Variants in ZC3H12B observed in about 807,000 individuals in gnomAD.
The protein encoded by ZC3H12B is zinc finger CCCH-type containing 12B.
In ZC3H12B, 7 loss-of-function variants were observed where a neutral mutation model predicts 43.9. That is an observed-to-expected ratio of 0.16 (90% CI 0.09 to 0.30). ZC3H12B has a LOEUF of 0.30. ZC3H12B is among the 10% of genes least tolerant of loss of function. ZC3H12B has a pLI of 1.00. For missense variants in ZC3H12B, 475 were observed against 670.2 expected (o/e 0.71, Z 3.22); for synonymous variants, 222 against 241.7 (o/e 0.92, Z 0.76).
chrX:65,221,662 A>C, the ZC3H12B span, among the ~76,000 whole-genome samples: 1 of 110,819 alleles, frequency 9.0e-6, no homozygotes, highest in Non-Finnish European at 1.9e-5. Flanking sequence ...AACTCTGAAC[A>C]GATCAATAAC....
chrX:65,159,139 T>G, the ZC3H12B span, among the ~76,000 whole-genome samples: 1 of 112,159 alleles, frequency 8.9e-6, no homozygotes, highest in South Asian at 3.7e-4. Flanking sequence ...TATGTCTCTG[T>G]TTTGGTACCA....
chrX:65,209,668 G>A, the ZC3H12B span, among the ~76,000 whole-genome samples: 2 of 110,239 alleles, frequency 1.8e-5, no homozygotes, highest in Non-Finnish European at 3.8e-5. Context: ...GATTTGGGGT[G>A]GAGAGTTCGC....
At chrX:65,386,821 G>A (rs2066533846) in intron 2 of ZC3H12B, among the ~76,000 whole-genome samples, 2 of 111,143 alleles carry the variant, frequency 1.8e-5, no homozygotes, top group African/African-American at 6.6e-5. Flanking sequence ...CTTTGAATGT[G>A]TCCCAGAGAT....
At chrX:65,440,110 G>C (rs1271344270) in intron 3 of ZC3H12B, among the ~76,000 whole-genome samples, 1 of 111,492 alleles carries the variant, frequency 9.0e-6, no homozygotes, top group East Asian at 2.8e-4. Context: ...CTCCTTTTTT[G>C]TTTTTGTCAT....
At chrX:65,062,033 G>T in the ZC3H12B span, among the ~76,000 whole-genome samples, 2 of 111,918 alleles carry the variant, frequency 1.8e-5, no homozygotes, top group Non-Finnish European at 3.8e-5. Context: ...TTGTAAATTT[G>T]TTTAAGTTCC....
intron 3 of ZC3H12B, among the ~76,000 whole-genome samples, chrX:65,453,512 G>A (rs1270775766): frequency 1.9e-5 from 2 of 104,223 alleles, no homozygotes; most frequent in African/African-American, 3.5e-5. Context: ...CCTGAGATCA[G>A]GAGTTCAAGA....
the ZC3H12B span, among the ~76,000 whole-genome samples, chrX:65,260,757 A>G: frequency 4.5e-5 from 5 of 111,896 alleles, no homozygotes; most frequent in African/African-American, 1.3e-4. Context: ...ACCTTTTTAC[A>G]TGGAGGTTAG....
the ZC3H12B span, among the ~76,000 whole-genome samples, chrX:65,265,041 G>C: frequency 8.9e-6 from 1 of 111,761 alleles, no homozygotes; most frequent in Non-Finnish European, 1.9e-5. Context: ...CTTCCTCTCT[G>C]CGATTAAGAC....
intron 1 of ZC3H12B, among the ~76,000 whole-genome samples, chrX:65,491,714 A>AAAAT (rs2068206347): frequency 1.0e-5 from 1 of 97,185 alleles, no homozygotes; most frequent in Non-Finnish European, 2.1e-5. Flanking sequence ...TTAAAAAAAA[A>AAAAT]ATATATATAT....
the ZC3H12B span, among the ~76,000 whole-genome samples, chrX:65,243,439 GT>G: frequency 8.9e-6 from 1 of 112,025 alleles, no homozygotes; most frequent in Non-Finnish European, 1.9e-5. Flanking sequence ...CAGTTAGAAT[GT>G]TTTTTATCAA....
chrX:65,223,809 T>C, the ZC3H12B span, among the ~76,000 whole-genome samples: 3 of 111,316 alleles, frequency 2.7e-5, no homozygotes, highest in East Asian at 8.5e-4. Flanking sequence ...AATCACAAAA[T>C]CAAAAAGTAC....
At chrX:65,241,468 C>G in the ZC3H12B span, among the ~76,000 whole-genome samples, 1 of 106,966 alleles carries the variant, frequency 9.3e-6, no homozygotes, top group African/African-American at 3.4e-5. Flanking sequence ...GGGGCTTCAT[C>G]CCTGGAAGAG....
intron 4 of ZC3H12B, among the ~76,000 whole-genome samples, chrX:65,500,618 G>A (rs2148241443): frequency 9.0e-6 from 1 of 110,956 alleles, no homozygotes; most frequent in East Asian, 2.8e-4. Flanking sequence ...AGTAGAGACG[G>A]GGGTTTCACC....
chrX:65,117,932 T>G, the ZC3H12B span, among the ~76,000 whole-genome samples: 1 of 109,857 alleles, frequency 9.1e-6, no homozygotes, highest in South Asian at 3.9e-4. Flanking sequence ...TCTTTGTTTT[T>G]GTACCAGTAC....
At chrX:65,155,118 G>C in the ZC3H12B span, among the ~76,000 whole-genome samples, 1 of 109,680 alleles carries the variant, frequency 9.1e-6, no homozygotes, top group African/African-American at 3.3e-5. Context: ...CACCAAACCT[G>C]GCCACTTTTT....
At chrX:65,163,717 G>A in the ZC3H12B span, among the ~76,000 whole-genome samples, 4 of 111,765 alleles carry the variant, frequency 3.6e-5, no homozygotes, top group Non-Finnish European at 5.6e-5. Context: ...AACCCCTTGT[G>A]CTTCCCGAGT....
chrX:65,325,762 T>G, the ZC3H12B span, among the ~76,000 whole-genome samples: 1 of 111,334 alleles, frequency 9.0e-6, no homozygotes, highest in Non-Finnish European at 1.9e-5. Context: ...TTTAAGACAA[T>G]TATGAGCAAA....
chrX:65,103,572 T>C, the ZC3H12B span, among the ~76,000 whole-genome samples: 1 of 111,979 alleles, frequency 8.9e-6, no homozygotes, highest in Non-Finnish European at 1.9e-5. Flanking sequence ...GAGTATTGAT[T>C]ATGGAAGTGA....
the ZC3H12B span, among the ~76,000 whole-genome samples, chrX:65,078,549 G>T: frequency 8.0e-5 from 9 of 112,012 alleles, no homozygotes; most frequent in African/African-American, 2.9e-4. Context: ...GAGCGATCAA[G>T]CTAAATGTGA....
Sources: allele counts gnomAD v4.1 joint callset (sites outside exome capture counted in the v4.1 genomes callset), GRCh38; gene constraint gnomAD v4.1.1; transcripts MANE v1.5; gene names NCBI Gene and HGNC (gene_info 2026-07-23, HGNC 2026-07-21).